PTBP3: variants seen among roughly 807,000 people sequenced by gnomAD.
The protein encoded by PTBP3 is polypyrimidine tract-binding protein 3.
A neutral mutation model predicts 58.7 loss-of-function variants in PTBP3; 20 were observed. The observed-to-expected ratio is 0.34, with a 90% CI of 0.24 to 0.50. PTBP3 has a LOEUF of 0.50. Among genes scored for constraint, PTBP3 ranks in the 20% least tolerant of loss-of-function variants. The pLI is 0.98. For missense variants in PTBP3, 509 were observed against 637.2 expected, an observed-to-expected ratio of 0.80 and a Z score of 2.17; for synonymous variants, 185 against 219.8, an observed-to-expected ratio of 0.84 and a Z score of 1.40.
chr9:112,345,849 A>C, the PTBP3 span, among the ~76,000 whole-genome samples: 1 of 151,982 alleles, frequency 6.6e-6, no homozygotes, highest in Admixed American at 6.6e-5. Context: ...GGAATAGACA[A>C]ATTTTCTTTT....
chr9:112,297,290 G>A (rs113037371), intron 2 of PTBP3, among the ~76,000 whole-genome samples: 94 of 152,158 alleles, frequency 6.2e-4, no homozygotes, highest in African/African-American at 2.1e-3. Flanking sequence ...TGCCACCTCC[G>A]CTTCCCAGGT....
intron 2 of PTBP3, among the ~76,000 whole-genome samples, chr9:112,276,916 A>G (rs1393773788): frequency 1.3e-5 from 2 of 152,174 alleles, no homozygotes; most frequent in African/African-American, 4.8e-5. Flanking sequence ...TTAAAAGCTA[A>G]AAGTTTCATT....
At chr9:112,312,500 TAA>T (rs67629809) in intron 1 of PTBP3, among the ~76,000 whole-genome samples, 43,548 of 122,660 alleles carry the variant, frequency 0.36, 9,310 homozygotes, top group African/African-American at 0.48. Flanking sequence ...TTTTTTTTTT[TAA>T]AAAAAAAAAA....
intron 1 of PTBP3, among the ~76,000 whole-genome samples, chr9:112,327,941 AGT>A (rs1345631475): frequency 2.0e-5 from 3 of 152,230 alleles, no homozygotes; most frequent in African/African-American, 7.2e-5. Context: ...CTGGAAACAC[AGT>A]AGTGAAGAAA....
chr9:112,366,357 A>C, the PTBP3 span, among the ~76,000 whole-genome samples: 10 of 152,072 alleles, frequency 6.6e-5, no homozygotes. Context: ...TTGCCAGGGC[A>C]TGTCAGAGGT....
chr9:112,277,786 G>C (rs946894394), intron 2 of PTBP3, among the ~76,000 whole-genome samples: 3 of 152,034 alleles, frequency 2.0e-5, no homozygotes, highest in African/African-American at 4.8e-5. Context: ...TGAGGCAAGA[G>C]AGTCACTTGA....
At chr9:112,357,492 C>T in the PTBP3 span, among the ~76,000 whole-genome samples, 3 of 152,018 alleles carry the variant, frequency 2.0e-5, no homozygotes, top group Admixed American at 1.3e-4. Flanking sequence ...GCTGAGACTA[C>T]GCGCAGGCAG....
the PTBP3 span, among the ~76,000 whole-genome samples, chr9:112,343,037 G>A: frequency 2.0e-5 from 3 of 152,102 alleles, no homozygotes. Flanking sequence ...GATAAAAAAG[G>A]AACCAAGACT....
intron 1 of PTBP3, among the ~76,000 whole-genome samples, chr9:112,313,162 C>T (rs1434023721): frequency 6.6e-6 from 1 of 151,992 alleles, no homozygotes; most frequent in East Asian, 1.9e-4. Context: ...TAATTTACAA[C>T]AAAAAAGTAC....
the PTBP3 span, among the ~76,000 whole-genome samples, chr9:112,363,433 T>C: frequency 6.6e-6 from 1 of 151,350 alleles, no homozygotes; most frequent in South Asian, 2.1e-4. Context: ...GTGGGCCGAC[T>C]GCATGAGCCC....
chr9:112,362,024 T>C, the PTBP3 span, among the ~76,000 whole-genome samples: 1 of 152,212 alleles, frequency 6.6e-6, no homozygotes, highest in African/African-American at 2.4e-5. Context: ...TTGTTGCCAT[T>C]AGTATATCTT....
At chr9:112,333,363 C>G (rs1335566085) in intron 1 of PTBP3, 107 bp downstream of exon 1, 1 of 1,272,370 alleles carries the variant, frequency 7.9e-7, no homozygotes, top group East Asian at 3.2e-5. Context: ...GCTCCTCCGG[C>G]CGCCGGCGCC....
chr9:112,308,192 A>AT (rs1479388685), intron 1 of PTBP3, among the ~76,000 whole-genome samples: 4 of 151,742 alleles, frequency 2.6e-5, no homozygotes, highest in Admixed American at 1.3e-4. Context: ...TGCCCAGCTA[A>AT]TTTTTTTTAT....
the PTBP3 span, among the ~76,000 whole-genome samples, chr9:112,373,695 A>C: frequency 6.6e-6 from 1 of 152,336 alleles, no homozygotes; most frequent in East Asian, 1.9e-4. Context: ...TCCTTCCCCA[A>C]TCCAAATGCT....
intron 1 of PTBP3, among the ~76,000 whole-genome samples, chr9:112,306,586 G>GTATATA (rs569038891): frequency 0.035 from 3,981 of 113,906 alleles, 97 homozygotes; most frequent in South Asian, 0.099. Flanking sequence ...ATTTAAATTT[G>GTATATA]TATATATATA....
intron 1 of PTBP3, among the ~76,000 whole-genome samples, chr9:112,328,969 C>T (rs961085519): frequency 1.5e-4 from 23 of 152,184 alleles, no homozygotes; most frequent in Admixed American, 1.0e-3. Context: ...TTATTTCTTT[C>T]TACAATAATT....
chr9:112,308,098 T>G (rs187311150), intron 1 of PTBP3, among the ~76,000 whole-genome samples: 1 of 152,212 alleles, frequency 6.6e-6, no homozygotes, highest in Non-Finnish European at 1.5e-5. Flanking sequence ...TCACCCAGGA[T>G]GGAGTACAGC....
chr9:112,231,664 GA>G (rs1301297793), intron 9 of PTBP3, among the ~76,000 whole-genome samples: 3 of 151,962 alleles, frequency 2.0e-5, no homozygotes, highest in Admixed American at 2.0e-4. Flanking sequence ...AGCACTTTGG[GA>G]GGCTGAGGTG....
intron 6 of PTBP3, chr9:112,252,471 A>C: frequency 1.9e-6 from 1 of 538,548 alleles, no homozygotes; most frequent in East Asian, 3.3e-5. Context: ...GAGAGGTGAT[A>C]GGAGATTTGA....
Sources: allele counts gnomAD v4.1 joint callset (sites outside exome capture counted in the v4.1 genomes callset), GRCh38; gene constraint gnomAD v4.1.1; transcripts MANE v1.5; gene names NCBI Gene and HGNC (gene_info 2026-07-23, HGNC 2026-07-21).